The following CACNA1D variants were observed in gnomAD, a reference collection of about 807,000 sequenced individuals.
The protein encoded by CACNA1D is voltage-dependent L-type calcium channel subunit alpha-1D.
Under a neutral mutation model 257.1 loss-of-function variants are expected in CACNA1D, and 55 were observed. That is an observed-to-expected ratio of 0.21 (90% CI 0.17 to 0.27). The LOEUF (loss-of-function observed/expected upper bound fraction) is 0.27. Ranked by LOEUF, CACNA1D falls within the 10% of genes least tolerant of loss-of-function variation. The pLI, the probability that CACNA1D is intolerant of heterozygous loss-of-function variation, is 1.00. For missense variants in CACNA1D, 1,876 were observed against 2,784.0 expected (o/e 0.67, Z 7.34); for synonymous variants, 980 against 1,014.9 (o/e 0.97, Z 0.65).
At chr3:53,503,559 A>G (rs1377196273) in intron 3 of CACNA1D, among the ~76,000 whole-genome samples, 2 of 152,252 alleles carry the variant, frequency 1.3e-5, no homozygotes, top group African/African-American at 4.8e-5. Flanking sequence ...AGATCAGTGG[A>G]ATAATTAATG....
Position 53,673,670 on chromosome 3 carries a change from T to C in CACNA1D, c.1220+544T>C. 3 of 1,442,710 alleles carry C rather than the reference T, an allele frequency of 2.1e-6. No individual in the cohort carries two copies. Among genetic ancestry groups the C allele is most frequent in the Non-Finnish European group, 2.9e-6 (3 of 1,023,316 alleles). The allele number at this position is 1,442,710 out of a possible 1,614,324, so 89.4% of individuals were successfully genotyped here. A position where few individuals can be genotyped will look rare whatever the true frequency, so the allele number is the denominator to read the frequency against. On this transcript the variant is annotated intron_variant, in intron 8 of 47. Coordinates refer to ENST00000350061, the MANE Select transcript of CACNA1D (RefSeq NM_001128840.3). The surrounding 1 kb of genome is among the most constrained non-coding windows in gnomAD (Gnocchi z 4.1). ...CAGCTGCAACTGGGGCTCTGCTCTT[T>C]AGTAAATGGATAACTGATAACTGAT...
intron 3 of CACNA1D, among the ~76,000 whole-genome samples, chr3:53,648,829 AACACACACACACAC>A (rs148968944): frequency 6.8e-6 from 1 of 146,858 alleles, no homozygotes. Context: ...TAACTCTCAA[AACACACACACACAC>A]ACACACACAC....
chr3:53,626,365 G>A (rs1248433499), intron 3 of CACNA1D, among the ~76,000 whole-genome samples: 1 of 152,184 alleles, frequency 6.6e-6, no homozygotes, highest in Non-Finnish European at 1.5e-5. Context: ...TTTATATATG[G>A]TTGTAGCAGT....
chr3:53,522,136 A>G (rs189690819), intron 3 of CACNA1D, among the ~76,000 whole-genome samples: 184 of 151,968 alleles, frequency 1.2e-3, no homozygotes, highest in African/African-American at 4.2e-3. Context: ...AAGCTGGGGG[A>G]AAAAAAACCA....
At chr3:53,583,766 GC>G (rs2093169543) in intron 3 of CACNA1D, among the ~76,000 whole-genome samples, 2 of 152,320 alleles carry the variant, frequency 1.3e-5, no homozygotes, top group African/African-American at 4.8e-5. Context: ...CAAGTTGCTG[GC>G]CCATCAGAGA....
intron 3 of CACNA1D, among the ~76,000 whole-genome samples, chr3:53,535,219 G>A (rs1473212643): frequency 1.3e-5 from 2 of 152,262 alleles, no homozygotes; most frequent in East Asian, 3.9e-4. Context: ...TTGAGCCTGG[G>A]CACTCTCCCC....
At chr3:53,771,252 T>C (rs2095364762) in intron 32 of CACNA1D, among the ~76,000 whole-genome samples, 2 of 152,218 alleles carry the variant, frequency 1.3e-5, no homozygotes. Context: ...ATGTAGGGAA[T>C]TTGTGGATAT....
intron 3 of CACNA1D, among the ~76,000 whole-genome samples, chr3:53,536,683 T>C (rs769619409): frequency 3.9e-5 from 6 of 152,254 alleles, no homozygotes; most frequent in Non-Finnish European, 8.8e-5. Flanking sequence ...AGAATAGTAA[T>C]ATCTTGTGAC....
chr3:53,569,532 A>C (rs57027000), intron 3 of CACNA1D, among the ~76,000 whole-genome samples: 1 of 152,182 alleles, frequency 6.6e-6, no homozygotes, highest in East Asian at 1.9e-4. Context: ...GTCTCCATAT[A>C]CAGTGGAGAT....
At chr3:53,539,582 G>A (rs983813786) in intron 3 of CACNA1D, among the ~76,000 whole-genome samples, 1 of 152,186 alleles carries the variant, frequency 6.6e-6, no homozygotes, top group African/African-American at 2.4e-5. Context: ...TGCTAACCTT[G>A]TATCTGTCTC....
At chr3:53,791,699 G>A (rs921487401) in intron 40 of CACNA1D, 1 of 152,498 alleles carries the variant, frequency 6.6e-6, no homozygotes, top group East Asian at 1.9e-4. Flanking sequence ...AACCAATCCA[G>A]GCAACACCTC....
At chr3:53,574,639 G>T (rs1019201440) in intron 3 of CACNA1D, among the ~76,000 whole-genome samples, 2 of 152,044 alleles carry the variant, frequency 1.3e-5, no homozygotes, top group African/African-American at 2.4e-5. Context: ...TTCCCTTGGG[G>T]AGCTGTGGCA....
At chr3:53,708,763 G>A (rs2108626105) in intron 9 of CACNA1D, among the ~76,000 whole-genome samples, 1 of 152,204 alleles carries the variant, frequency 6.6e-6, no homozygotes, top group East Asian at 1.9e-4. Context: ...TATAAAGTAA[G>A]AAAAAAATTC....
intron 8 of CACNA1D, chr3:53,679,124 G>A (rs1270081602): frequency 6.6e-6 from 1 of 151,070 alleles, no homozygotes; most frequent in African/African-American, 2.4e-5. Flanking sequence ...ACAAAAATTA[G>A]CCAGGCATGG....
intron 3 of CACNA1D, among the ~76,000 whole-genome samples, chr3:53,536,384 A>T (rs780118892): frequency 6.6e-6 from 1 of 152,094 alleles, no homozygotes; most frequent in African/African-American, 2.4e-5. Flanking sequence ...AATAGATTCT[A>T]TCTCTAATGA....
intron 3 of CACNA1D, among the ~76,000 whole-genome samples, chr3:53,631,980 G>A (rs1353669518): frequency 2.0e-5 from 3 of 152,150 alleles, no homozygotes; most frequent in Non-Finnish European, 2.9e-5. Flanking sequence ...ATTCTTAAGG[G>A]CCCTGGGATT....
intron 15 of CACNA1D, 52 bp downstream of exon 15, chr3:53,727,051 T>G (rs761340790): frequency 1.5e-5 from 24 of 1,609,068 alleles, no homozygotes; most frequent in Admixed American, 6.7e-5. Context: ...TCTGGTTTTG[T>G]TTTTCTTCCT....
chr3:53,555,039 A>G (rs2092611963), intron 3 of CACNA1D, among the ~76,000 whole-genome samples: 1 of 152,238 alleles, frequency 6.6e-6, no homozygotes, highest in Non-Finnish European at 1.5e-5. Context: ...TAAAGAGAAT[A>G]TAATGAAATA....
At chr3:53,629,435 C>A (rs1486203288) in intron 3 of CACNA1D, among the ~76,000 whole-genome samples, 1 of 152,166 alleles carries the variant, frequency 6.6e-6, no homozygotes, top group Non-Finnish European at 1.5e-5. Context: ...AACTGAGTAT[C>A]CAACATAGGA....
Sources: gnomAD v4.1 joint callset for allele counts (sites outside exome capture counted in the v4.1 genomes callset) on GRCh38, gnomAD v4.1.1 for gene constraint, Gnocchi (gnomAD v3.1) non-coding constraint, MANE v1.5 for transcripts, NCBI Gene and HGNC (gene_info 2026-07-23, HGNC 2026-07-21) for gene names.